ARHGAP26: variants seen among roughly 807,000 people sequenced by gnomAD.
The protein encoded by ARHGAP26 is rho GTPase-activating protein 26.
Under a neutral mutation model 104.8 loss-of-function variants are expected in ARHGAP26, and 38 were observed. That is an observed-to-expected ratio of 0.36 (90% CI 0.28 to 0.48). The LOEUF (loss-of-function observed/expected upper bound fraction) is 0.48, where lower values mean the gene tolerates loss of function less well. Among genes scored for constraint, ARHGAP26 ranks in the 20% least tolerant of loss-of-function variants. ARHGAP26 has a pLI of 0.99. For missense variants in ARHGAP26, 704 were observed against 947.9 expected, an observed-to-expected ratio of 0.74 and a Z score of 3.38; for synonymous variants, 341 against 340.0, an observed-to-expected ratio of 1.00 and a Z score of -0.03.
chr5:143,124,754 G>A (rs1796531598), intron 18 of ARHGAP26, among the ~76,000 whole-genome samples: 1 of 152,234 alleles, frequency 6.6e-6, no homozygotes, highest in Non-Finnish European at 1.5e-5. Context: ...GGCAGGGGGA[G>A]CTAGATGCCA....
At chr5:142,773,028 C>G (rs998608145) in intron 1 of ARHGAP26, among the ~76,000 whole-genome samples, 1 of 151,810 alleles carries the variant, frequency 6.6e-6, no homozygotes, top group Non-Finnish European at 1.5e-5. Flanking sequence ...GTTCTCTCTA[C>G]GTCCAGCTCT....
intron 9 of ARHGAP26, among the ~76,000 whole-genome samples, chr5:142,910,468 G>GT (rs1262262317): frequency 1.3e-5 from 2 of 152,264 alleles, no homozygotes; most frequent in African/African-American, 4.8e-5. Flanking sequence ...GCCGGATGTG[G>GT]TGGCTCACGC....
intron 14 of ARHGAP26, among the ~76,000 whole-genome samples, chr5:143,053,963 C>T (rs898425099): frequency 6.6e-6 from 1 of 152,266 alleles, no homozygotes; most frequent in Non-Finnish European, 1.5e-5. Context: ...GGTAGACATA[C>T]GGTAATTCAC....
At chr5:143,041,722 G>GCA in intron 13 of ARHGAP26, 94 bp from the exon 14 acceptor site, 1 of 641,970 alleles carries the variant, frequency 1.6e-6, no homozygotes, top group Admixed American at 3.2e-5. Context: ...CTGAGAAAAT[G>GCA]AAAAAAAAAA....
At chr5:142,920,864 A>G (rs1763101832) in intron 10 of ARHGAP26, among the ~76,000 whole-genome samples, 1 of 152,168 alleles carries the variant, frequency 6.6e-6, no homozygotes. Flanking sequence ...TACTGGGGGG[A>G]AAGTAACAAA....
intron 10 of ARHGAP26, among the ~76,000 whole-genome samples, chr5:142,922,566 C>G (rs1309491846): frequency 6.6e-6 from 1 of 152,152 alleles, no homozygotes; most frequent in East Asian, 1.9e-4. Flanking sequence ...CATTCATACC[C>G]ACTTTCTTGC....
Position 143,116,139 on chromosome 5 carries a change from A to G in ARHGAP26, c.1539-4849A>G, listed in dbSNP as rs542558525. ...TATTGCTTGGTAAAATATACTTCCT[A>G]CCTTGGGTCATTGTCAGAAAGTTTG... On this transcript the variant is annotated intron_variant, in intron 17 of 22. Transcript: ENST00000645722. Among the ~76,000 whole-genome samples the G allele has an allele frequency of 1.4e-4, 22 of 152,180 alleles. 1 individual carries two copies. The South Asian group carries it at 4.6e-3, about 32-fold the overall frequency.
intron 6 of ARHGAP26, among the ~76,000 whole-genome samples, chr5:142,897,218 C>T (rs571107706): frequency 3.0e-4 from 46 of 152,190 alleles, no homozygotes; most frequent in South Asian, 1.0e-3. Context: ...GTATAACCAT[C>T]GTAGTGTGCA....
At chr5:143,052,664 G>A (rs1785217176) in intron 14 of ARHGAP26, among the ~76,000 whole-genome samples, 1 of 152,182 alleles carries the variant, frequency 6.6e-6, no homozygotes, top group Non-Finnish European at 1.5e-5. Context: ...AACACACGGA[G>A]AGCAGTAGAT....
At chr5:143,102,642 A>T (rs1046315857) in intron 17 of ARHGAP26, among the ~76,000 whole-genome samples, 5 of 151,980 alleles carry the variant, frequency 3.3e-5, no homozygotes, top group Admixed American at 2.6e-4. Context: ...GGAGACAGAG[A>T]CTCTTTCATT....
intron 20 of ARHGAP26, chr5:143,172,866 C>T (rs190065292): frequency 5.4e-5 from 9 of 167,908 alleles, no homozygotes; most frequent in East Asian, 4.6e-4. Flanking sequence ...TATAAATACC[C>T]GAAGGGCAGA....
chr5:142,777,346 G>A (rs1254848103), intron 1 of ARHGAP26, among the ~76,000 whole-genome samples: 3 of 152,182 alleles, frequency 2.0e-5, no homozygotes, highest in African/African-American at 7.2e-5. Context: ...CCTAATTCTG[G>A]CCTGCATAAG....
intron 21 of ARHGAP26, among the ~76,000 whole-genome samples, chr5:143,213,143 TAAAC>T (rs914884841): frequency 4.6e-5 from 7 of 152,226 alleles, no homozygotes; most frequent in Non-Finnish European, 7.3e-5. Context: ...AGACTCCGTC[TAAAC>T]AAACAAACAA....
intron 11 of ARHGAP26, among the ~76,000 whole-genome samples, chr5:142,963,198 A>ATATATTTGTGTGTGTGTGTGTGTG (rs869247749): frequency 1.0e-5 from 1 of 98,356 alleles, no homozygotes. Flanking sequence ...ATATATATAT[A>ATATATTTGTGTGTGTGTGTGTGTG]TGTGTGTGTG....
rs79124534 is a variant in ARHGAP26 at position 143,227,817 on chromosome 5, G to T, written c.*5371G>T. 5,884 of 222,130 alleles carry T rather than the reference G, an allele frequency of 0.026. 137 individuals carry two copies. Among genetic ancestry groups the T allele is most frequent in the Non-Finnish European group, 0.036 (4,035 of 111,278 alleles). The allele number at this position is 222,130 out of a possible 1,614,324, so 13.8% of individuals were successfully genotyped here. On this transcript the variant is annotated 3_prime_UTR_variant, in exon 23 of 23. Transcript: ENST00000645722. Reference sequence around the variant, plus strand: ...AAGGTGAACCATCCTAAGGAGCTTTGGATACTTTTTTAGAAGGATAAATAT... The same window carrying T: ...AAGGTGAACCATCCTAAGGAGCTTTTGATACTTTTTTAGAAGGATAAATAT...
chr5:142,776,445 G>A (rs116497563), intron 1 of ARHGAP26, among the ~76,000 whole-genome samples: 46 of 152,276 alleles, frequency 3.0e-4, no homozygotes, highest in African/African-American at 1.1e-3. Flanking sequence ...ACTACTTTCT[G>A]TCTCTATAGA....
chr5:142,856,389 G>C (rs939247048), intron 1 of ARHGAP26, among the ~76,000 whole-genome samples: 2 of 152,250 alleles, frequency 1.3e-5, no homozygotes, highest in African/African-American at 4.8e-5. Flanking sequence ...ATCGCTGTTT[G>C]GCCAGTGGGA....
intron 12 of ARHGAP26, among the ~76,000 whole-genome samples, chr5:143,025,314 C>G (rs1780893720): frequency 6.6e-6 from 1 of 152,222 alleles, no homozygotes; most frequent in Non-Finnish European, 1.5e-5. Flanking sequence ...TGAATGCCCT[C>G]TCTTTCCCTG....
intron 11 of ARHGAP26, among the ~76,000 whole-genome samples, chr5:143,006,752 A>G (rs1562247715): frequency 1.3e-5 from 2 of 152,208 alleles, no homozygotes; most frequent in Non-Finnish European, 2.9e-5. Flanking sequence ...GTTGAGACAC[A>G]TCCTTATTTA....
Sources: gnomAD v4.1 joint callset for allele counts (sites outside exome capture counted in the v4.1 genomes callset) on GRCh38, gnomAD v4.1.1 for gene constraint, MANE v1.5 for transcripts, NCBI Gene and HGNC (gene_info 2026-07-23, HGNC 2026-07-21) for gene names.